The following ETFA variants were observed in gnomAD, a reference collection of about 807,000 sequenced individuals.
The protein encoded by ETFA is electron transfer flavoprotein subunit alpha, mitochondrial.
Under a neutral mutation model 46.2 loss-of-function variants are expected in ETFA, and 22 were observed. The ratio of observed to expected loss-of-function variants is 0.48; its 90% CI spans 0.34 to 0.68. The LOEUF is 0.68. ETFA is among the 30% of genes least tolerant of loss of function. ETFA has a pLI of 0.01. For missense variants in ETFA, 345 were observed against 401.1 expected (o/e 0.86, Z 1.19); for synonymous variants, 131 against 139.9 (o/e 0.94, Z 0.45).
At chr15:76,252,595 T>TAGA (rs2039309142) in intron 9 of ETFA, among the ~76,000 whole-genome samples, 1 of 152,146 alleles carries the variant, frequency 6.6e-6, no homozygotes, top group Non-Finnish European at 1.5e-5. Flanking sequence ...AACCATCCCT[T>TAGA]ACCACAACCA....
chr15:76,248,326 A>G (rs368804437), intron 9 of ETFA, among the ~76,000 whole-genome samples: 1 of 152,218 alleles, frequency 6.6e-6, no homozygotes, highest in African/African-American at 2.4e-5. Context: ...GAGGTACCTG[A>G]TTAACTACAT....
At chr15:76,261,552 G>A in intron 9 of ETFA, 2 of 602,784 alleles carry the variant, frequency 3.3e-6, no homozygotes, top group South Asian at 2.0e-5. Context: ...GCTTTGCCGG[G>A]ACTCCCACGA....
intron 9 of ETFA, among the ~76,000 whole-genome samples, chr15:76,265,916 T>C (rs1238411548): frequency 6.6e-6 from 1 of 152,198 alleles, no homozygotes; most frequent in Non-Finnish European, 1.5e-5. Context: ...GTTGAGCCTC[T>C]GGCTCCCATT....
At chr15:76,243,486 T>C (rs952431271) in intron 9 of ETFA, among the ~76,000 whole-genome samples, 1 of 152,130 alleles carries the variant, frequency 6.6e-6, no homozygotes, top group Non-Finnish European at 1.5e-5. Flanking sequence ...AAATTCACTG[T>C]ACTGTCTTCA....
chr15:76,286,649 A>G (rs564033321), intron 5 of ETFA, among the ~76,000 whole-genome samples, 168 bp from the exon 6 acceptor site: 4 of 152,322 alleles, frequency 2.6e-5, no homozygotes, highest in Admixed American at 2.0e-4. Flanking sequence ...GTGAAGAAAC[A>G]TATCAGCAGA....
At chr15:76,223,459 G>A (rs1379369311) in intron 11 of ETFA, among the ~76,000 whole-genome samples, 1 of 151,994 alleles carries the variant, frequency 6.6e-6, no homozygotes, top group Non-Finnish European at 1.5e-5. Context: ...CTGAGCTCGG[G>A]TGATCCACCC....
chr15:76,255,493 C>G (rs1179612741), intron 9 of ETFA, among the ~76,000 whole-genome samples: 1 of 152,176 alleles, frequency 6.6e-6, no homozygotes, highest in Non-Finnish European at 1.5e-5. Flanking sequence ...TTTGAAAAAT[C>G]AGGAAAACAA....
intron 9 of ETFA, among the ~76,000 whole-genome samples, chr15:76,254,517 T>A (rs559790525): frequency 6.6e-6 from 1 of 152,318 alleles, no homozygotes; most frequent in South Asian, 2.1e-4. Flanking sequence ...ACAAAACTAT[T>A]AGACAACCAG....
intron 1 of ETFA, among the ~76,000 whole-genome samples, chr15:76,299,227 C>A (rs182686212): frequency 6.6e-6 from 1 of 152,336 alleles, no homozygotes; most frequent in Admixed American, 6.5e-5. Flanking sequence ...ACCACAACTT[C>A]CTTGTTCGCA....
At chr15:76,304,673 A>AG (rs1170351885) in intron 1 of ETFA, among the ~76,000 whole-genome samples, 3 of 151,412 alleles carry the variant, frequency 2.0e-5, no homozygotes, top group African/African-American at 4.9e-5. Flanking sequence ...AAAAAAAAAA[A>AG]AAAAAATTGG....
intron 1 of ETFA, chr15:76,309,949 A>C (rs914547673): frequency 6.5e-6 from 1 of 152,866 alleles, no homozygotes; most frequent in Non-Finnish European, 1.5e-5. Flanking sequence ...AAGATGTCTA[A>C]GGCCAGGTGC....
intron 9 of ETFA, among the ~76,000 whole-genome samples, chr15:76,234,655 A>G (rs1437399693): frequency 6.6e-6 from 1 of 152,188 alleles, no homozygotes; most frequent in Non-Finnish European, 1.5e-5. Context: ...AGAATCTAGA[A>G]GAGTGAGAAT....
intron 1 of ETFA, among the ~76,000 whole-genome samples, chr15:76,305,846 T>G (rs1293556687): frequency 6.6e-6 from 1 of 150,742 alleles, no homozygotes; most frequent in Non-Finnish European, 1.5e-5. Flanking sequence ...CCTTCTCTTT[T>G]TCAACCTCAA....
chr15:76,262,414 C>T (rs2460146), intron 9 of ETFA, among the ~76,000 whole-genome samples: 31,517 of 149,200 alleles, frequency 0.21, 3,662 homozygotes, highest in African/African-American at 0.3. Context: ...AAGAAGCTTG[C>T]TATCTGAAGC....
chr15:76,233,702 T>A (rs1054715313), intron 9 of ETFA, among the ~76,000 whole-genome samples: 1 of 152,206 alleles, frequency 6.6e-6, no homozygotes, highest in Non-Finnish European at 1.5e-5. Flanking sequence ...TTTGTTAAAC[T>A]GTTAATCAAA....
intron 9 of ETFA, among the ~76,000 whole-genome samples, chr15:76,266,326 T>C (rs1236047508): frequency 1.3e-5 from 2 of 152,214 alleles, no homozygotes; most frequent in African/African-American, 4.8e-5. Flanking sequence ...ACAGGTATCA[T>C]TGGAAAGTAC....
Position 76,295,653 on chromosome 15 carries a change from T to C in ETFA, c.124A>G (p.Thr42Ala). 3 of 1,613,518 alleles carry C rather than the reference T, an allele frequency of 1.9e-6. No individual in the cohort carries two copies. The highest frequency in any genetic ancestry group is 2.5e-6 in the Non-Finnish European group (3 of 1,179,572). ...SLAPITLNTI[T>A]AATRLGGEVS... is the part of the protein sequence containing the mutation. ...TCACCTCCAAGGCGTGTGGCTGCAG[T>C]AATGGTATTTAAAGTAATGGGTGCT... The change falls in exon 2 of 12, where the codon ACT (threonine) becomes GCT (alanine). Residue 42 changes from threonine to alanine, a missense_variant. Physicochemically the swap from Thr to Ala is moderately conservative, Grantham distance 58. Transcript: ENST00000557943.
At chr15:76,256,913 T>C (rs998799140) in intron 9 of ETFA, among the ~76,000 whole-genome samples, 1 of 152,204 alleles carries the variant, frequency 6.6e-6, no homozygotes, top group East Asian at 1.9e-4. Flanking sequence ...CTAGCAGCAA[T>C]AGGCTACCCC....
intron 9 of ETFA, among the ~76,000 whole-genome samples, chr15:76,241,987 C>T (rs2141474155): frequency 6.6e-6 from 1 of 151,692 alleles, no homozygotes; most frequent in East Asian, 2.0e-4. Context: ...CAGGTGTGCG[C>T]CACCACGCCC....
Sources: gnomAD v4.1 joint callset for allele counts (sites outside exome capture counted in the v4.1 genomes callset) on GRCh38, gnomAD v4.1.1 for gene constraint, MANE v1.5 for transcripts, NCBI Gene and HGNC (gene_info 2026-07-23, HGNC 2026-07-21) for gene names.